PLAC1: variants seen among roughly 807,000 people sequenced by gnomAD.
The protein encoded by PLAC1 is placenta associated 1, also known as placenta-specific protein 1.
For synonymous variants in PLAC1, 68 were observed against 62.1 expected (o/e 1.09, Z -0.44); for missense variants, 136 against 163.2 (o/e 0.83, Z 0.91).
At chrX:134,736,802 T>A (rs990802964) in intron 1 of PLAC1, among the ~76,000 whole-genome samples, 1 of 112,150 alleles carries the variant, frequency 8.9e-6, no homozygotes, top group African/African-American at 3.2e-5. Context: ...TCTGGGAAGC[T>A]CCCCTGAAAG....
chrX:134,617,855 A>G lies in PLAC1; in HGVS notation c.-130-15733T>C, dbSNP rs17000663. Among the ~76,000 whole-genome samples the G allele has an allele frequency of 2.8e-3, 310 of 112,394 alleles. 2 individuals carry two copies. Among genetic ancestry groups the G allele is most frequent in the African/African-American group, 9.4e-3 (292 of 30,953 alleles). ...CATTTCCTGCTAACACACGAATTTT[A>G]CTTATTTACAAACCACTGCATTTTC... On this transcript the variant is annotated intron_variant, in intron 1 of 2. Transcript: ENST00000359237.
chrX:134,587,527 G>A (rs748687329), intron 2 of PLAC1, among the ~76,000 whole-genome samples: 44 of 110,913 alleles, frequency 4.0e-4, no homozygotes, highest in Non-Finnish European at 7.4e-4. Context: ...GCTGCAGTGA[G>A]CTATGATTGT....
chrX:134,649,798 C>T (rs2078353486), intron 1 of PLAC1, among the ~76,000 whole-genome samples: 1 of 112,109 alleles, frequency 8.9e-6, no homozygotes, highest in South Asian at 3.7e-4. Context: ...CAAACGATGG[C>T]GCTTTGGCAT....
intron 1 of PLAC1, among the ~76,000 whole-genome samples, chrX:134,625,852 T>C (rs996259669): frequency 5.4e-5 from 6 of 110,637 alleles, no homozygotes; most frequent in African/African-American, 1.6e-4. Flanking sequence ...CACTGGGAAA[T>C]GGGTCTCGGA....
intron 2 of PLAC1, among the ~76,000 whole-genome samples, chrX:134,593,033 C>G (rs1285688575): frequency 9.0e-6 from 1 of 110,978 alleles, no homozygotes; most frequent in Non-Finnish European, 1.9e-5. Flanking sequence ...AGCGCTGTGT[C>G]TCTTTTTCTC....
At chrX:134,679,609 G>A (rs2078487185) in intron 2 of PLAC1, among the ~76,000 whole-genome samples, 1 of 111,525 alleles carries the variant, frequency 9.0e-6, no homozygotes, top group African/African-American at 3.3e-5. Context: ...ATTCTACAGT[G>A]CAATGTGTGG....
chrX:134,715,861 G>C (rs2078642019), intron 2 of PLAC1, among the ~76,000 whole-genome samples: 1 of 112,487 alleles, frequency 8.9e-6, no homozygotes, highest in African/African-American at 3.2e-5. Flanking sequence ...TTACGGAGGG[G>C]TGTCCCTGGA....
At chrX:134,706,075 C>A (rs888479529) in intron 2 of PLAC1, among the ~76,000 whole-genome samples, 3 of 111,971 alleles carry the variant, frequency 2.7e-5, no homozygotes, top group Non-Finnish European at 5.6e-5. Context: ...CCAACAAGCA[C>A]AGACAAAAAA....
At chrX:134,729,378 T>A (rs1322953477) in intron 2 of PLAC1, among the ~76,000 whole-genome samples, 1 of 112,149 alleles carries the variant, frequency 8.9e-6, no homozygotes, top group East Asian at 2.8e-4. Flanking sequence ...AATTATGTAC[T>A]ATACTTATCT....
chrX:134,677,834 G>T (rs985681165), intron 2 of PLAC1, among the ~76,000 whole-genome samples: 1 of 111,877 alleles, frequency 8.9e-6, no homozygotes, highest in Non-Finnish European at 1.9e-5. Context: ...GTTGAAGCAG[G>T]GAGACCAGTT....
chrX:134,627,049 A>T (rs1401257996), intron 1 of PLAC1, among the ~76,000 whole-genome samples: 1 of 110,581 alleles, frequency 9.0e-6, no homozygotes, highest in Non-Finnish European at 1.9e-5. Context: ...CCCTTAAAAA[A>T]AAAAATGACA....
At chrX:134,740,422 G>A (rs1165820853) in intron 1 of PLAC1, among the ~76,000 whole-genome samples, 1 of 111,213 alleles carries the variant, frequency 9.0e-6, no homozygotes, top group Non-Finnish European at 1.9e-5. Flanking sequence ...ATGATGTTAC[G>A]AAAAGAAGCC....
chrX:134,705,511 A>G (rs190527963), intron 2 of PLAC1, among the ~76,000 whole-genome samples: 38 of 111,139 alleles, frequency 3.4e-4, no homozygotes, highest in African/African-American at 1.2e-3. Flanking sequence ...TATGAAAAAA[A>G]TCAGTATCAT....
chrX:134,732,226 C>T (rs2078690890), intron 2 of PLAC1, among the ~76,000 whole-genome samples: 1 of 111,410 alleles, frequency 9.0e-6, no homozygotes, highest in South Asian at 3.8e-4. Flanking sequence ...TTAAATCCAG[C>T]ATCTGAGAAG....
Position 134,634,140 on chromosome X carries a change from GA to G in PLAC1, c.-131+24187del, listed in dbSNP as rs771265698. 2.2e-3 allele frequency among the ~76,000 whole-genome samples: 251 copies of G among 111,704 alleles called. 1 individual carries two copies. Among genetic ancestry groups the G allele is most frequent in the African/African-American group, 7.6e-3 (233 of 30,740 alleles). The stretch of plus-strand genomic sequence containing the variant: ...TGGGTTGGATGTTTCTATAAAGGGG[GA>G]AAAAAACCCCAAAGGCTTATGGGTA... On this transcript the variant is annotated intron_variant, in intron 1 of 2. Transcript: ENST00000359237.
At chrX:134,590,587 C>T (rs888916218) in intron 2 of PLAC1, among the ~76,000 whole-genome samples, 9 of 108,893 alleles carry the variant, frequency 8.3e-5, no homozygotes, top group East Asian at 5.6e-4. Context: ...AACCTATTCT[C>T]GGGATCTGGC....
Position 134,756,882 on chromosome X carries a change from C to G in PLAC1, n.89+7352G>C, listed in dbSNP as rs1336821283. Among the ~76,000 whole-genome samples, 22 of 110,853 alleles carry G rather than the reference C, an allele frequency of 2.0e-4. No homozygotes were observed. In the Admixed American group the frequency reaches 2.1e-3, roughly 11 times the overall value. On this transcript the variant is annotated intron_variant and non_coding_transcript_variant, in intron 1 of 2. Coordinates refer to the PLAC1 transcript ENST00000466797. ...AAAAAAGATTACATTTTCATATATA[C>G]TTGGGTCTATTTCTGGACTTTCTGC... is the stretch of plus-strand genomic sequence containing the variant.
intron 2 of PLAC1, among the ~76,000 whole-genome samples, chrX:134,595,360 A>C (rs1314877329): frequency 9.1e-6 from 1 of 109,856 alleles, no homozygotes; most frequent in Non-Finnish European, 1.9e-5. Flanking sequence ...TGTTGATTAG[A>C]TCCTGTTATT....
At chrX:134,694,417 C>T (rs1009437836) in intron 2 of PLAC1, among the ~76,000 whole-genome samples, 2 of 111,554 alleles carry the variant, frequency 1.8e-5, no homozygotes, top group Non-Finnish European at 3.8e-5. Context: ...CTGTCTGTTC[C>T]CATCCCTAGC....
Sources: allele counts gnomAD v4.1 joint callset (sites outside exome capture counted in the v4.1 genomes callset), GRCh38; gene constraint gnomAD v4.1.1; transcripts MANE v1.5; gene names NCBI Gene and HGNC (gene_info 2026-07-23, HGNC 2026-07-21).